The following GLIS1 variants were observed in gnomAD, a reference collection of about 807,000 sequenced individuals.
GLIS1 encodes the protein zinc finger protein GLIS1.
In GLIS1, 24 loss-of-function variants were observed where a neutral mutation model predicts 63.8. That is an observed-to-expected ratio of 0.38 (90% CI 0.27 to 0.53). GLIS1 has a LOEUF of 0.53. Ranked by LOEUF, GLIS1 falls within the 20% of genes least tolerant of loss-of-function variation. The pLI, the probability that GLIS1 is intolerant of heterozygous loss-of-function variation, is 0.85. For synonymous variants in GLIS1, 450 were observed against 482.5 expected, an observed-to-expected ratio of 0.93 and a Z score of 0.88; for missense variants, 1,036 against 1,074.1, an observed-to-expected ratio of 0.96 and a Z score of 0.50.
At chr1:53,556,559 A>C (rs1313350102) in intron 4 of GLIS1, among the ~76,000 whole-genome samples, 5 of 77,378 alleles carry the variant, frequency 6.5e-5, no homozygotes, top group African/African-American at 4.1e-4. Context: ...GTGCAGGTGT[A>C]CTGCAGGGGT....
At chr1:53,643,071 C>T (rs1179026524) in intron 2 of GLIS1, among the ~76,000 whole-genome samples, 1 of 152,188 alleles carries the variant, frequency 6.6e-6, no homozygotes, top group Non-Finnish European at 1.5e-5. Context: ...TCTTCTCGGA[C>T]TAACAAGACC....
chr1:53,620,949 G>C, intron 2 of GLIS1, among the ~76,000 whole-genome samples: 1 of 152,224 alleles, frequency 6.6e-6, no homozygotes, highest in Non-Finnish European at 1.5e-5. Context: ...GGTTTATCAA[G>C]AAGCTGACTG....
At chr1:53,593,475 G>A (rs780857327) in intron 4 of GLIS1, among the ~76,000 whole-genome samples, 1 of 152,236 alleles carries the variant, frequency 6.6e-6, no homozygotes, top group East Asian at 1.9e-4. Context: ...ACGTGCGCAT[G>A]TACACATAAT....
chr1:53,582,588 C>T (rs1001301604), intron 4 of GLIS1, among the ~76,000 whole-genome samples: 1 of 152,180 alleles, frequency 6.6e-6, no homozygotes, highest in African/African-American at 2.4e-5. Context: ...GAAATTTCCT[C>T]CCAGTGCACA....
chr1:53,594,514 T>C lies in GLIS1; in HGVS notation c.914A>G (p.His305Arg). The change falls in exon 4 of 11, where the codon CAT becomes CGT. Residue 305 changes from histidine (H) to arginine (R), a missense_variant. Physicochemically the swap from His to Arg is conservative, Grantham distance 29. Coordinates refer to ENST00000628545, the MANE Select transcript of GLIS1 (RefSeq NM_001367484.1). The part of the protein sequence containing the change: ...ARPGPASTDS[H>R]EGSLQLEACR... ...GGCTTCAAGTTGCAAGCTGCCCTCA[T>C]GGCTGTCCGTCGATGCAGGGCCAGG... 1 of 1,612,620 alleles carries C rather than the reference T, an allele frequency of 6.2e-7. No homozygotes were observed. Among genetic ancestry groups the C allele is most frequent in the Non-Finnish European group, 8.5e-7 (1 of 1,179,676 alleles).
intron 4 of GLIS1, among the ~76,000 whole-genome samples, chr1:53,541,114 G>A (rs1434966722): frequency 6.6e-6 from 1 of 152,182 alleles, no homozygotes; most frequent in Non-Finnish European, 1.5e-5. Flanking sequence ...AGTGACCTGA[G>A]AGAGTTGGGG....
Position 53,710,304 on chromosome 1 carries a change from C to T in GLIS1, c.259+27502G>A, listed in dbSNP as rs763722284. Among the ~76,000 whole-genome samples, 6 of 152,376 alleles carry T rather than the reference C, an allele frequency of 3.9e-5. No homozygotes were observed. In the South Asian group the frequency reaches 6.2e-4, roughly 16 times the overall value. ...ACATTTCACACCTAAGAGGTGGGCA[C>T]GGCCGCAGGGCCATAGCGTGGAGCC... On this transcript the variant is annotated intron_variant, in intron 2 of 10. Transcript: ENST00000628545.
At chr1:53,582,533 T>G (rs1025342750) in intron 4 of GLIS1, among the ~76,000 whole-genome samples, 1 of 152,018 alleles carries the variant, frequency 6.6e-6, no homozygotes, top group African/African-American at 2.4e-5. Flanking sequence ...TGTCAAAGGG[T>G]GTGGCAGGGG....
chr1:53,589,232 C>T (rs1402848505), intron 4 of GLIS1, among the ~76,000 whole-genome samples: 4 of 152,172 alleles, frequency 2.6e-5, no homozygotes, highest in East Asian at 1.9e-4. Flanking sequence ...CAGCCTCCCA[C>T]GTAGCTGGGG....
chr1:53,556,880 G>C (rs1644839816), intron 4 of GLIS1, among the ~76,000 whole-genome samples: 1 of 132,744 alleles, frequency 7.5e-6, no homozygotes, highest in Admixed American at 7.5e-5. Context: ...TGTGTATGCA[G>C]ATGTGTGTGT....
chr1:53,730,797 G>A (rs1054306010), intron 2 of GLIS1, among the ~76,000 whole-genome samples: 5 of 152,292 alleles, frequency 3.3e-5, no homozygotes, highest in South Asian at 4.1e-4. Context: ...GCAACCAGCC[G>A]TGGGACCTTT....
chr1:53,614,479 C>A (rs1297144236), intron 2 of GLIS1, among the ~76,000 whole-genome samples: 2 of 152,060 alleles, frequency 1.3e-5, no homozygotes, highest in Admixed American at 1.3e-4. Context: ...GTGACGGAGG[C>A]AGGCAGTGAG....
At position 53,599,773 on chromosome 1, in the gene GLIS1, T is replaced by G. The variant is rs561789533; in HGVS notation, c.437+328A>C. ...GAATCCCTCTCTGCCCTATCAGCAG[T>G]TCAGGGTTTGACACTGTATAAACTC... On this transcript the variant is annotated intron_variant, in intron 3 of 10. Coordinates refer to ENST00000628545, the MANE Select transcript of GLIS1 (RefSeq NM_001367484.1). Among the ~76,000 whole-genome samples the G allele has an allele frequency of 1.9e-3, 287 of 152,306 alleles. 1 individual carries two copies. Among genetic ancestry groups the G allele is most frequent in the Middle Eastern group, 3.4e-3 (1 of 294 alleles).
chr1:53,520,484 G>T, intron 7 of GLIS1, 150 bp downstream of exon 7: 1 of 834,002 alleles, frequency 1.2e-6, no homozygotes, highest in South Asian at 2.2e-5. Context: ...TAGGGAACCA[G>T]AGGCAGAGGC....
chr1:53,574,178 G>T lies in GLIS1; in HGVS notation c.1320+19930C>A, dbSNP rs971988653. ...TTCCTTCCAGGGCACTGTCCGTGAG[G>T]CCCTCCCTGGTCCAGCACAGCTCTG... On this transcript the variant is annotated intron_variant, in intron 4 of 10. Transcript: ENST00000628545. This position sits in a 1 kb window ranked among gnomAD's most constrained non-coding sequence, Gnocchi z 4.2. 2.6e-5 allele frequency among the ~76,000 whole-genome samples: 4 copies of T among 152,128 alleles called. No individual in the cohort carries two copies. Among genetic ancestry groups the T allele is most frequent in the African/African-American group, 9.7e-5 (4 of 41,426 alleles).
intron 7 of GLIS1, among the ~76,000 whole-genome samples, chr1:53,519,729 G>A (rs1026258422): frequency 3.3e-5 from 5 of 152,142 alleles, no homozygotes; most frequent in Admixed American, 2.0e-4. Context: ...GGAGGGGCCC[G>A]CAGAGTCCCA....
chr1:53,701,454 G>A (rs542036378), intron 2 of GLIS1, among the ~76,000 whole-genome samples: 5 of 152,292 alleles, frequency 3.3e-5, no homozygotes, highest in South Asian at 4.1e-4. Context: ...GCCCTCCTCC[G>A]CTGTCAAAAG....
chr1:53,709,880 G>A (rs1433822763), intron 2 of GLIS1, among the ~76,000 whole-genome samples: 1 of 152,196 alleles, frequency 6.6e-6, no homozygotes, highest in Non-Finnish European at 1.5e-5. Context: ...AGCTGAATGG[G>A]TGAAAGCCTT....
chr1:53,707,318 TAAC>T (rs1333648354), intron 2 of GLIS1, among the ~76,000 whole-genome samples: 1 of 152,202 alleles, frequency 6.6e-6, no homozygotes, highest in African/African-American at 2.4e-5. Flanking sequence ...GGAAAGCAGT[TAAC>T]AACAACATGT....
Sources: gnomAD v4.1 joint callset for allele counts (sites outside exome capture counted in the v4.1 genomes callset) on GRCh38, gnomAD v4.1.1 for gene constraint, Gnocchi (gnomAD v3.1) non-coding constraint, MANE v1.5 for transcripts, NCBI Gene and HGNC (gene_info 2026-07-23, HGNC 2026-07-21) for gene names.